CFAP70: variants seen among roughly 807,000 people sequenced by gnomAD.
CFAP70 encodes the protein cilia and flagella associated protein 70.
In CFAP70, 81 loss-of-function variants were observed where a neutral mutation model predicts 137.6. The observed-to-expected ratio is 0.59, with a 90% CI of 0.49 to 0.71. The LOEUF (loss-of-function observed/expected upper bound fraction) is 0.71. Among genes scored for constraint, CFAP70 ranks in the 30% least tolerant of loss-of-function variants. The probability of loss-of-function intolerance (pLI) is 0.00; values close to 1 mark genes in which losing one functional copy is unlikely to be tolerated. For missense variants in CFAP70, 976 were observed against 1,226.7 expected, an observed-to-expected ratio of 0.80 and a Z score of 3.05; for synonymous variants, 382 against 423.6, an observed-to-expected ratio of 0.90 and a Z score of 1.20.
At chr10:73,279,279 C>T (rs1053253106) in intron 19 of CFAP70, 1 of 152,006 alleles carries the variant, frequency 6.6e-6, no homozygotes, top group Non-Finnish European at 1.5e-5. Context: ...AATCCCAGCA[C>T]TTTGGGAGAC....
At chr10:73,355,622 C>A (rs1427990047) in intron 1 of CFAP70, among the ~76,000 whole-genome samples, 1 of 152,052 alleles carries the variant, frequency 6.6e-6, no homozygotes, top group African/African-American at 2.4e-5. Context: ...CTAAAAAATT[C>A]AAAAATTAGC....
At chr10:73,322,984 T>C in exon 9 of CFAP70, 1 of 1,612,348 alleles carries the variant, frequency 6.2e-7, no homozygotes, top group East Asian at 2.2e-5. Flanking sequence ...CTACACTGTC[T>C]AGGTAAGGGT....
At chr10:73,257,461 ATAGT>A (rs2044639519) in intron 25 of CFAP70, among the ~76,000 whole-genome samples, 1 of 152,258 alleles carries the variant, frequency 6.6e-6, no homozygotes, top group Admixed American at 6.5e-5. Flanking sequence ...AGTTTGCTAC[ATAGT>A]TACTTAGAGT....
intron 19 of CFAP70, among the ~76,000 whole-genome samples, chr10:73,284,741 T>C (rs1364573688): frequency 0.021 from 14 of 654 alleles, no homozygotes; most frequent in East Asian, 0.2. Context: ...ACCTGCCACA[T>C]ATATATATAT....
intron 8 of CFAP70, among the ~76,000 whole-genome samples, chr10:73,330,449 CAA>C (rs745806193): frequency 0.1 from 6,944 of 69,002 alleles, 381 homozygotes; most frequent in African/African-American, 0.26. Context: ...GACTCCATCA[CAA>C]AAAAAAAAAA....
chr10:73,352,877 T>A (rs1240406099), intron 3 of CFAP70, among the ~76,000 whole-genome samples: 1 of 152,240 alleles, frequency 6.6e-6, no homozygotes, highest in East Asian at 1.9e-4. Context: ...ATGACTTTTT[T>A]ATTTGTCCCA....
chr10:73,317,228 G>A (rs1008873719), intron 9 of CFAP70, among the ~76,000 whole-genome samples: 8 of 152,070 alleles, frequency 5.3e-5, no homozygotes, highest in Non-Finnish European at 1.0e-4. Context: ...ATGTTGGCCA[G>A]GCTGGTCTCA....
exon 26 of CFAP70, chr10:73,256,377 T>G (rs1459574612): frequency 6.2e-7 from 1 of 1,614,114 alleles, no homozygotes. Flanking sequence ...ACCTTGATCA[T>G]GTACTTGTAG....
At chr10:73,360,721 C>T (rs540081101), upstream of CFAP70, among the ~76,000 whole-genome samples, 1 of 152,180 alleles carries the variant, frequency 6.6e-6, no homozygotes, top group Admixed American at 6.5e-5. Flanking sequence ...GGATTTCTCT[C>T]TGGATTTTTT....
intron 9 of CFAP70, among the ~76,000 whole-genome samples, chr10:73,314,795 A>G (rs1176769910): frequency 1.3e-5 from 2 of 151,928 alleles, no homozygotes; most frequent in African/African-American, 4.8e-5. Flanking sequence ...TTGTAAAGAT[A>G]GGGTCTCACC....
Position 73,284,739 on chromosome 10 carries a change from CATATATATATATATATATATATAT to C in CFAP70, c.2240-6426_2240-6403del, listed in dbSNP as rs539417737. Reference sequence around the variant, plus strand: ...CCTATGGGCCATATATGACCTGCCACATATATATATATATATATATATATATATATATATATATATATATATATA... The same window carrying C: ...CCTATGGGCCATATATGACCTGCCACATATATATATATATATATATATATA... On this transcript the variant is annotated intron_variant, in intron 19 of 26. Coordinates refer to ENST00000310715, the Ensembl canonical transcript of CFAP70. 4.9e-3 allele frequency among the ~76,000 whole-genome samples: 135 copies of C among 27,438 alleles called. 2 individuals carry two copies. The highest frequency in any genetic ancestry group is 8.7e-3 in the South Asian group (5 of 572). The allele number at this position is 27,438 out of a possible 152,430, so 18.0% of individuals were successfully genotyped here. A position where few individuals can be genotyped will look rare whatever the true frequency, so the allele number is the denominator to read the frequency against.
At chr10:73,313,370 T>TGA (rs2050084119) in intron 9 of CFAP70, among the ~76,000 whole-genome samples, 1 of 90,898 alleles carries the variant, frequency 1.1e-5, no homozygotes, top group African/African-American at 5.6e-5. Flanking sequence ...AGACTCTGTC[T>TGA]CAAAAAAAAA....
chr10:73,296,045 T>C (rs902951554), intron 15 of CFAP70: 3 of 152,366 alleles, frequency 2.0e-5, no homozygotes, highest in Admixed American at 6.5e-5. Flanking sequence ...CAATTACCCA[T>C]TGAAACTTAA....
chr10:73,330,295 C>T (rs577935449), intron 8 of CFAP70, among the ~76,000 whole-genome samples: 2 of 151,778 alleles, frequency 1.3e-5, no homozygotes, highest in Admixed American at 6.6e-5. Flanking sequence ...GCTAAAAATA[C>T]AAAAATTAGC....
At chr10:73,344,907 T>C (rs2053580742) in intron 5 of CFAP70, among the ~76,000 whole-genome samples, 158 bp downstream of exon 6, 1 of 152,150 alleles carries the variant, frequency 6.6e-6, no homozygotes, top group African/African-American at 2.4e-5. Flanking sequence ...TTAAGATCTG[T>C]ATATAAAATA....
At chr10:73,350,872 C>G (rs1039844958) in intron 3 of CFAP70, among the ~76,000 whole-genome samples, 1 of 150,778 alleles carries the variant, frequency 6.6e-6, no homozygotes, top group African/African-American at 2.4e-5. Context: ...GTGATTCTCC[C>G]ACCTCAGCCT....
intron 19 of CFAP70, among the ~76,000 whole-genome samples, chr10:73,290,067 T>C (rs898159817): frequency 1.1e-4 from 15 of 140,382 alleles, no homozygotes; most frequent in South Asian, 2.5e-4. Flanking sequence ...AAAAGACTTG[T>C]AGATGAATGT....
intron 9 of CFAP70, among the ~76,000 whole-genome samples, chr10:73,314,355 T>C (rs2132120736): frequency 6.6e-6 from 1 of 152,326 alleles, no homozygotes; most frequent in East Asian, 1.9e-4. Context: ...CCAACAATAT[T>C]AATTGTAAAT....
At chr10:73,341,707 T>G in intron 5 of CFAP70, 126 bp from the exon 7 acceptor site, 2 of 780,850 alleles carry the variant, frequency 2.6e-6, no homozygotes, top group Non-Finnish European at 4.1e-6. Flanking sequence ...ACGATTAATC[T>G]GATTCTAGAG....
Sources: allele counts gnomAD v4.1 joint callset (sites outside exome capture counted in the v4.1 genomes callset), GRCh38; gene constraint gnomAD v4.1.1; transcripts MANE v1.5; gene names NCBI Gene and HGNC (gene_info 2026-07-23, HGNC 2026-07-21).